OR52N4: variants seen among roughly 807,000 people sequenced by gnomAD.
OR52N4 encodes olfactory receptor 52N4.
A neutral mutation model predicts 15.0 loss-of-function variants in OR52N4; 15 were observed. The ratio of observed to expected loss-of-function variants is 1.00; its 90% CI spans 0.67 to 1.54. OR52N4 has a LOEUF of 1.54. OR52N4 is among the 40% of genes most tolerant of loss of function. The pLI is 0.00. For missense variants in OR52N4, 421 were observed against 394.0 expected, an observed-to-expected ratio of 1.07 and a Z score of -0.58; for synonymous variants, 143 against 143.7, an observed-to-expected ratio of 1.00 and a Z score of 0.03.
the OR52N4 span, among the ~76,000 whole-genome samples, chr11:5,735,502 T>C: frequency 6.6e-6 from 1 of 151,856 alleles, no homozygotes; most frequent in African/African-American, 2.4e-5. Flanking sequence ...AAAGAAAGAA[T>C]TATGGAAAAT....
the OR52N4 span, among the ~76,000 whole-genome samples, chr11:5,734,861 T>C: frequency 7.2e-5 from 11 of 152,170 alleles, no homozygotes; most frequent in East Asian, 1.2e-3. Context: ...TCTTTAGTCA[T>C]TGAAATTTTC....
At chr11:5,742,431 C>G in the OR52N4 span, among the ~76,000 whole-genome samples, 4 of 152,086 alleles carry the variant, frequency 2.6e-5, no homozygotes, top group Non-Finnish European at 5.9e-5. Context: ...ATCAGACTAT[C>G]TAAAGCCAAT....
At chr11:5,744,539 G>A in the OR52N4 span, among the ~76,000 whole-genome samples, 2 of 152,204 alleles carry the variant, frequency 1.3e-5, no homozygotes, top group African/African-American at 4.8e-5. Context: ...GTGGTGCAAA[G>A]GTAGTTCAAC....
At chr11:5,732,488 T>C in the OR52N4 span, among the ~76,000 whole-genome samples, 1 of 152,202 alleles carries the variant, frequency 6.6e-6, no homozygotes, top group Admixed American at 6.5e-5. Context: ...CTTTAAACTA[T>C]GTTTCATTAG....
chr11:5,737,225 C>T, the OR52N4 span: 6 of 1,614,108 alleles, frequency 3.7e-6, no homozygotes, highest in Admixed American at 3.3e-5. Context: ...TGTACTTAGA[C>T]TGAACTCAGC....
the OR52N4 span, chr11:5,736,715 C>T: frequency 6.2e-7 from 1 of 1,613,950 alleles, no homozygotes; most frequent in Non-Finnish European, 8.5e-7. Context: ...TTTACAGCAG[C>T]CCATGTATAT....
chr11:5,730,189 ATTTT>A, the OR52N4 span, among the ~76,000 whole-genome samples: 6 of 110,196 alleles, frequency 5.4e-5, no homozygotes, highest in Admixed American at 1.0e-4. Context: ...AGCAGTAACC[ATTTT>A]TTTTTTTTTT....
upstream of OR52N4, among the ~76,000 whole-genome samples, chr11:5,752,635 T>C (rs946778609): frequency 6.6e-6 from 1 of 152,212 alleles, no homozygotes; most frequent in Non-Finnish European, 1.5e-5. Context: ...CTTGGCAATT[T>C]AATTTTTGTT....
At position 5,755,902 on chromosome 11, in the gene OR52N4, CT is replaced by C. The variant is rs1259262718; in HGVS notation, c.*198del. 1.4e-5 allele frequency: 9 copies of C among 634,618 alleles called. No individual in the cohort carries two copies. In the African/African-American group the frequency reaches 1.7e-4, roughly 12 times the overall value. 39.3% of individuals were successfully genotyped at this position (634,618 alleles called of 1,614,324 possible). On this transcript the variant is annotated 3_prime_UTR_variant, in exon 2 of 2. Transcript: ENST00000641350. ...ACCAACATTTCTATAAATTTTTTAC[CT>C]TCTCACTCATGTGAAGGACCAGTCT...
chr11:5,743,950 G>A, the OR52N4 span, among the ~76,000 whole-genome samples: 1 of 151,708 alleles, frequency 6.6e-6, no homozygotes, highest in African/African-American at 2.4e-5. Flanking sequence ...TTGGTTCTTT[G>A]AAAAGATAAA....
chr11:5,755,848 T>G lies in OR52N4; in HGVS notation c.*142T>G, dbSNP rs775787074. ...AACTGGTGCATTCTCAATAAGTACC[T>G]TGGGAATCTCAACATCATTGGAAGG... is the stretch of plus-strand genomic sequence containing the variant. On this transcript the variant is annotated 3_prime_UTR_variant, in exon 2 of 2. Coordinates refer to ENST00000641350, the MANE Select transcript of OR52N4 (RefSeq NM_001005175.5). The G allele has an allele frequency of 1.1e-5, 11 of 995,456 alleles. No homozygotes were observed. Among genetic ancestry groups the G allele is most frequent in the Non-Finnish European group, 1.6e-5 (11 of 699,250 alleles). The allele number at this position is 995,456 out of a possible 1,614,324, so 61.7% of individuals were successfully genotyped here.
At chr11:5,737,148 T>C in the OR52N4 span, 5 of 1,614,038 alleles carry the variant, frequency 3.1e-6, no homozygotes, top group South Asian at 5.5e-5. Flanking sequence ...CAGTTGGTTC[T>C]GGCATGGCTT....
chr11:5,734,694 G>A, the OR52N4 span, among the ~76,000 whole-genome samples: 1 of 152,074 alleles, frequency 6.6e-6, no homozygotes. Flanking sequence ...AGGATGTAAA[G>A]TAATAAATGA....
Position 5,755,097 on chromosome 11 carries a change from T to C in OR52N4, c.357T>C (p.Leu119=), listed in dbSNP as rs1040695733. Residue 119 remains leucine (L), a synonymous_variant, in exon 2 of 2, where the codon CTT becomes CTC. Transcript: ENST00000641350. The stretch of plus-strand genomic sequence containing the variant: ...GGATGGAGTCTGGGGTGCTTATGCT[T>C]ATGGCCCTGGATCGCTATGTGGCCA... ...FTGMESGVLM[L]MALDRYVAIC... is the part of the protein sequence containing the mutation. The C allele has an allele frequency of 6.2e-6, 10 of 1,613,868 alleles. No homozygotes were observed. The African/African-American group carries it at 1.1e-4, about 17-fold the overall frequency.
At position 5,755,445 on chromosome 11, in the gene OR52N4, T is replaced by C. The variant is rs1854291856; in HGVS notation, c.705T>C (p.Ala235=). The change falls in exon 2 of 2, where the codon GCT becomes GCC. Residue 235 remains alanine, a synonymous_variant. Transcript: ENST00000641350. The stretch of plus-strand genomic sequence containing the variant: ...TGGTCAGCCTCTCCTCAGCAGATGC[T>C]CGGCAGAAGGCCTTTAATACCTGCA... ...RAVVSLSSAD[A]RQKAFNTCTA... 1.2e-6 allele frequency: 2 copies of C among 1,614,096 alleles called. No individual in the cohort carries two copies.
In OR52N4 at chr11:5,754,689, C is replaced by A; in HGVS notation, c.-48-4C>A. 2.7e-6 allele frequency: 4 copies of A among 1,490,108 alleles called. No individual in the cohort carries two copies. Among genetic ancestry groups the A allele is most frequent in the South Asian group, 1.4e-5 (1 of 71,584 alleles). The allele number at this position is 1,490,108 out of a possible 1,614,324, so 92.3% of individuals were successfully genotyped here. The stretch of plus-strand genomic sequence containing the variant: ...TTTTCTCTTGTTTTTTTTTTTAACT[C>A]TAGGAAAGCCCAGACAAATTTTGAG... On this transcript the variant is annotated splice_polypyrimidine_tract_variant and splice_region_variant and intron_variant, in intron 1 of 1. Coordinates refer to ENST00000641350, the MANE Select transcript of OR52N4 (RefSeq NM_001005175.5).
the OR52N4 span, among the ~76,000 whole-genome samples, chr11:5,730,048 A>T: frequency 6.6e-6 from 1 of 151,402 alleles, no homozygotes; most frequent in African/African-American, 2.4e-5. Context: ...GATTTTTTTT[A>T]AATGAAAGTT....
At chr11:5,735,606 A>G in the OR52N4 span, among the ~76,000 whole-genome samples, 1 of 152,136 alleles carries the variant, frequency 6.6e-6, no homozygotes, top group Admixed American at 6.5e-5. Flanking sequence ...CAATATGATA[A>G]GCAATTATTT....
chr11:5,739,286 C>T, the OR52N4 span, among the ~76,000 whole-genome samples: 1 of 127,440 alleles, frequency 7.8e-6, no homozygotes, highest in Non-Finnish European at 1.7e-5. Context: ...CAGTGGCTTA[C>T]ACTTGTAATC....
Sources: allele counts gnomAD v4.1 joint callset (sites outside exome capture counted in the v4.1 genomes callset), GRCh38; gene constraint gnomAD v4.1.1; transcripts MANE v1.5; gene names NCBI Gene and HGNC (gene_info 2026-07-23, HGNC 2026-07-21).